Variants in TRIM26 observed in about 807,000 individuals in gnomAD.
TRIM26 encodes the protein tripartite motif containing 26.
TRIM26 carries 16 observed loss-of-function variants against 45.5 expected under a neutral mutation model. The observed-to-expected ratio is 0.35, with a 90% CI of 0.24 to 0.53. TRIM26 has a LOEUF of 0.53. TRIM26 is among the 20% of genes least tolerant of loss of function. TRIM26 has a pLI of 0.92. For synonymous variants in TRIM26, 273 were observed against 290.4 expected (o/e 0.94, Z 0.61); for missense variants, 442 against 691.1 (o/e 0.64, Z 4.04).
In TRIM26 at chr6:30,185,246, G is replaced by A. The variant is rs918467759; in HGVS notation, c.*630C>T. 6.6e-6 allele frequency: 1 copy of A among 152,272 alleles called. No homozygotes were observed. The highest frequency in any genetic ancestry group is 1.5e-5 in the Non-Finnish European group (1 of 68,130). 9.4% of individuals were successfully genotyped at this position (152,272 alleles called of 1,614,324 possible). On this transcript the variant is annotated 3_prime_UTR_variant, in exon 10 of 10. Transcript: ENST00000454678. This position sits in a 1 kb window ranked among gnomAD's most constrained non-coding sequence, Gnocchi z 5.7. ...AGGGAGTCCCACCTCCTTGGCTATG[G>A]AAATATGCTCAGCCCTGGTTTCAGA... is the stretch of plus-strand genomic sequence containing the variant.
At chr6:30,197,257 G>T (rs1314574000) in intron 5 of TRIM26, among the ~76,000 whole-genome samples, 1 of 152,164 alleles carries the variant, frequency 6.6e-6, no homozygotes, top group Non-Finnish European at 1.5e-5. Context: ...TGACGTCTGT[G>T]CTTAGGGACT....
chr6:30,194,231 A>G (rs1334948892), intron 6 of TRIM26, among the ~76,000 whole-genome samples: 1 of 152,326 alleles, frequency 6.6e-6, no homozygotes, highest in East Asian at 1.9e-4. Context: ...GCATATATAC[A>G]CAATGGAGTA....
In TRIM26 at chr6:30,189,474, G is replaced by A. The variant is rs1224717642; in HGVS notation, c.848C>T (p.Thr283Ile). The A allele has an allele frequency of 2.0e-5, 33 of 1,612,862 alleles. No homozygotes were observed. The highest frequency in any genetic ancestry group is 2.8e-5 in the Non-Finnish European group (33 of 1,180,036). ...KPIARVVKKK[T>I]GEFSDKLLSL... Reference sequence around the variant, plus strand: ...GAGGAGTTTATCTGAGAATTCTCCGGTCTTTTTTTTAACCACTCGAGCAAT... The same window carrying A: ...GAGGAGTTTATCTGAGAATTCTCCGATCTTTTTTTTAACCACTCGAGCAAT... The change falls in exon 8 of 10, where the codon ACC (threonine) becomes ATC (isoleucine). Residue 283 changes from threonine to isoleucine, a missense_variant. Transcript: ENST00000454678. The surrounding 1 kb of genome is among the most constrained non-coding windows in gnomAD (Gnocchi z 5.0).
chr6:30,199,808 T>C (rs1776946918), intron 3 of TRIM26, among the ~76,000 whole-genome samples: 1 of 152,112 alleles, frequency 6.6e-6, no homozygotes, highest in Admixed American at 6.5e-5. Flanking sequence ...GGCTAATTTT[T>C]TGTATTTTTA....
intron 6 of TRIM26, among the ~76,000 whole-genome samples, chr6:30,191,750 C>T (rs1775867895): frequency 6.6e-6 from 1 of 152,174 alleles, no homozygotes; most frequent in Non-Finnish European, 1.5e-5. Flanking sequence ...AAGCAAGTGC[C>T]CAGAGACTGG....
chr6:30,208,118 TGA>T lies in TRIM26; in HGVS notation c.-375-3355_-375-3354del, dbSNP rs549340216. On this transcript the variant is annotated intron_variant, in intron 1 of 9. Coordinates refer to ENST00000454678, the MANE Select transcript of TRIM26 (RefSeq NM_003449.5). Reference sequence around the variant, plus strand: ...CACAGAGTAGACAATAAAAACTGACTGAGAAAACAAAGCACAAGCACAGAGTA... The same window carrying T: ...CACAGAGTAGACAATAAAAACTGACTGAAAACAAAGCACAAGCACAGAGTA... Among the ~76,000 whole-genome samples, 231 of 152,318 alleles carry T rather than the reference TGA, an allele frequency of 1.5e-3. 3 individuals are homozygous for T. Among genetic ancestry groups the T allele is most frequent in the Middle Eastern group, 0.01 (3 of 294 alleles).
At chr6:30,203,441 A>T (rs1400966844) in intron 2 of TRIM26, among the ~76,000 whole-genome samples, 1 of 151,702 alleles carries the variant, frequency 6.6e-6, no homozygotes, top group Admixed American at 6.6e-5. Context: ...TTTGAGATGG[A>T]GTTTTTCTCT....
At position 30,196,209 on chromosome 6, in the gene TRIM26, T is replaced by C. The variant is rs1776439908; in HGVS notation, c.765+307A>G. ...GCCAATGACTTGTTAAGAGGGCTTG[T>C]GATGGCAGTGATGAGGATGGAGGAT... On this transcript the variant is annotated intron_variant, in intron 6 of 9. Coordinates refer to ENST00000454678, the MANE Select transcript of TRIM26 (RefSeq NM_003449.5). The surrounding 1 kb of genome is among the most constrained non-coding windows in gnomAD (Gnocchi z 4.9). Among the ~76,000 whole-genome samples, 1 of 152,230 alleles carries C rather than the reference T, an allele frequency of 6.6e-6. No individual in the cohort carries two copies. The highest frequency in any genetic ancestry group is 1.5e-5 in the Non-Finnish European group (1 of 68,032).
rs1775649344 is a variant in TRIM26, at chr6:30,189,984, G to A, written c.788+29C>T. ...GGGGGAACATAAACAAGGGGGATGA[G>A]GTACGCCATGGAGAGGAGACTCTTT... On this transcript the variant is annotated intron_variant, in intron 7 of 9. Transcript: ENST00000454678. The surrounding 1 kb of genome is among the most constrained non-coding windows in gnomAD (Gnocchi z 5.0). 6.2e-7 allele frequency: 1 copy of A among 1,612,798 alleles called. No homozygotes were observed. Among genetic ancestry groups the A allele is most frequent in the Non-Finnish European group, 8.5e-7 (1 of 1,179,798 alleles).
Position 30,207,625 on chromosome 6 carries a change from T to A in TRIM26, c.-375-2860A>T, listed in dbSNP as rs2127533019. 6.6e-6 allele frequency among the ~76,000 whole-genome samples: 1 copy of A among 152,248 alleles called. No homozygotes were observed. Reference sequence around the variant, plus strand: ...ATAAAGTCAAAACTCCTGTCCTTCCTTTCTTCTGTGAGGAGGCTGTCCCAG... The same window carrying A: ...ATAAAGTCAAAACTCCTGTCCTTCCATTCTTCTGTGAGGAGGCTGTCCCAG... On this transcript the variant is annotated intron_variant, in intron 1 of 9. Coordinates refer to ENST00000454678, the MANE Select transcript of TRIM26 (RefSeq NM_003449.5). This position sits in a 1 kb window ranked among gnomAD's most constrained non-coding sequence, Gnocchi z 4.9.
Position 30,189,450 on chromosome 6 carries a change from A to G in TRIM26, c.872T>C (p.Leu291Pro). ...KKTGEFSDKL[L>P]SLQRGLREFQ... ...TTCCCTCAGGCCTCGTTGCAGAGAGAGGAGTTTATCTGAGAATTCTCCGGT... is the reference window on the plus strand; with the variant it reads ...TTCCCTCAGGCCTCGTTGCAGAGAGGGGAGTTTATCTGAGAATTCTCCGGT... The change falls in exon 8 of 10, where the codon CTC becomes CCC. Residue 291 changes from leucine to proline, a missense_variant. By Grantham distance (98) the Leu-to-Pro change is moderately conservative. Coordinates refer to ENST00000454678, the MANE Select transcript of TRIM26 (RefSeq NM_003449.5). This position sits in a 1 kb window ranked among gnomAD's most constrained non-coding sequence, Gnocchi z 5.0. 1.2e-6 allele frequency: 2 copies of G among 1,612,972 alleles called. No homozygotes were observed. Among genetic ancestry groups the G allele is most frequent in the Non-Finnish European group, 1.7e-6 (2 of 1,180,008 alleles).
In TRIM26 at chr6:30,185,636, T is replaced by C. The variant is rs2127476551; in HGVS notation, c.*240A>G. On this transcript the variant is annotated 3_prime_UTR_variant, in exon 10 of 10. Transcript: ENST00000454678. The surrounding 1 kb of genome is among the most constrained non-coding windows in gnomAD (Gnocchi z 5.7). ...AAAGGAGCCCTCATGGACTCCAGGG[T>C]CAGAAGTTCCCTCGGGAAACCAGCA... is the stretch of plus-strand genomic sequence containing the variant. 1.8e-6 allele frequency: 1 copy of C among 560,248 alleles called. No homozygotes were observed. 34.7% of individuals were successfully genotyped at this position (560,248 alleles called of 1,614,324 possible). A position where few individuals can be genotyped will look rare whatever the true frequency, so the allele number is the denominator to read the frequency against.
intron 2 of TRIM26, among the ~76,000 whole-genome samples, chr6:30,203,856 T>C (rs901298482): frequency 1.2e-4 from 18 of 151,968 alleles, no homozygotes; most frequent in Middle Eastern, 3.4e-3. Context: ...TGGAACTATC[T>C]TGGCTCACTG....
intron 6 of TRIM26, among the ~76,000 whole-genome samples, chr6:30,191,415 A>G (rs1775822296): frequency 6.6e-6 from 1 of 151,934 alleles, no homozygotes. Context: ...AAAAAAAAAA[A>G]AAAAAAAAGA....
In TRIM26 at chr6:30,189,617, A is replaced by G; in HGVS notation, c.789-84T>C. Reference sequence around the variant, plus strand: ...TTATCTCTCAATCCTCATGGCAATTATGAAGGGGAGAGGAAAGGTATGATT... The same window carrying G: ...TTATCTCTCAATCCTCATGGCAATTGTGAAGGGGAGAGGAAAGGTATGATT... On this transcript the variant is annotated intron_variant, in intron 7 of 9. Transcript: ENST00000454678. The surrounding 1 kb of genome is among the most constrained non-coding windows in gnomAD (Gnocchi z 5.0). The G allele has an allele frequency of 8.4e-7, 1 of 1,192,730 alleles. No individual in the cohort carries two copies. The highest frequency in any genetic ancestry group is 1.2e-6 in the Non-Finnish European group (1 of 809,772). 73.9% of individuals were successfully genotyped at this position (1,192,730 alleles called of 1,614,324 possible).
intron 1 of TRIM26, among the ~76,000 whole-genome samples, chr6:30,210,746 A>G (rs1443817837): frequency 6.6e-6 from 1 of 152,224 alleles, no homozygotes; most frequent in Admixed American, 6.5e-5. Flanking sequence ...CCGTAATAAA[A>G]GTTATATGCA....
chr6:30,203,854 T>C (rs1777450835), intron 2 of TRIM26, among the ~76,000 whole-genome samples: 2 of 151,782 alleles, frequency 1.3e-5, no homozygotes, highest in Admixed American at 6.6e-5. Flanking sequence ...AGTGGAACTA[T>C]CTTGGCTCAC....
Position 30,185,559 on chromosome 6 carries a change from G to T in TRIM26, c.*317C>A, listed in dbSNP as rs1775068861. The T allele has an allele frequency of 5.1e-6, 2 of 388,352 alleles. No homozygotes were observed. The highest frequency in any genetic ancestry group is 1.8e-4 in the South Asian group (2 of 11,364). 24.1% of individuals were successfully genotyped at this position (388,352 alleles called of 1,614,324 possible). ...CACTGGGCAAGAAAATGCTGCATCG[G>T]GCCCTTATTCCAGAGAGTGCAGAGC... On this transcript the variant is annotated 3_prime_UTR_variant, in exon 10 of 10. Coordinates refer to ENST00000454678, the MANE Select transcript of TRIM26 (RefSeq NM_003449.5). This position sits in a 1 kb window ranked among gnomAD's most constrained non-coding sequence, Gnocchi z 5.7.
intron 3 of TRIM26, among the ~76,000 whole-genome samples, chr6:30,199,899 G>A (rs889682712): frequency 3.9e-5 from 6 of 152,134 alleles, no homozygotes; most frequent in African/African-American, 1.2e-4. Context: ...GCCTCCCAAA[G>A]TGCTGGGATT....
Sources: allele counts gnomAD v4.1 joint callset (sites outside exome capture counted in the v4.1 genomes callset), GRCh38; gene constraint gnomAD v4.1.1; non-coding constraint Gnocchi (gnomAD v3.1); transcripts MANE v1.5; gene names NCBI Gene and HGNC (gene_info 2026-07-23, HGNC 2026-07-21).